MYBPC1: variants seen among roughly 807,000 people sequenced by gnomAD.
MYBPC1 encodes myosin-binding protein C, slow-type.
In MYBPC1, 52 loss-of-function variants were observed where a neutral mutation model predicts 147.1. The ratio of observed to expected loss-of-function variants is 0.35; its 90% confidence interval spans 0.28 to 0.45. MYBPC1 has a LOEUF of 0.45. MYBPC1 is among the 20% of genes least tolerant of loss of function. MYBPC1 has a pLI of 1.00. For missense variants in MYBPC1, 1,228 were observed against 1,440.3 expected (o/e 0.85, Z 2.39); for synonymous variants, 477 against 475.9 (o/e 1.00, Z -0.03).
intron 22 of MYBPC1, chr12:101,666,228 AG>A (rs1897384154): frequency 1.8e-5 from 3 of 166,540 alleles, no homozygotes; most frequent in South Asian, 2.9e-4. Context: ...CTGGTAAAAC[AG>A]GGCTGGCCTT....
At chr12:101,675,244 C>T (rs370807544) in intron 25 of MYBPC1, 48 bp from the exon 26 acceptor site, 209 of 1,610,696 alleles carry the variant, frequency 1.3e-4, no homozygotes, top group Non-Finnish European at 1.7e-4. Context: ...AAAATGTAGA[C>T]TGGGAAAGAA....
intron 13 of MYBPC1, among the ~76,000 whole-genome samples, chr12:101,647,762 C>T (rs184167725): frequency 9.7e-4 from 147 of 152,260 alleles, no homozygotes; most frequent in Non-Finnish European, 6.0e-4. Flanking sequence ...TGGCATGCAC[C>T]TGTAATCCCA....
At chr12:101,644,217 A>G (rs1205562197) in intron 11 of MYBPC1, among the ~76,000 whole-genome samples, 1 of 151,968 alleles carries the variant, frequency 6.6e-6, no homozygotes, top group Non-Finnish European at 1.5e-5. Context: ...TTGTATTTTT[A>G]GAAGAGACAG....
At position 101,661,139 on chromosome 12, in the gene MYBPC1, T is replaced by G. The variant is rs189706863; in HGVS notation, c.1928-19T>G. 8,904 of 1,569,988 alleles carry G rather than the reference T, an allele frequency of 5.7e-3. 51 individuals are homozygous for G. The highest frequency in any genetic ancestry group is 0.013 in the South Asian group (1,188 of 89,770). ...CCCTCTTCCTTATTTTACTTTATCC[T>G]ATTTTTTGTCTGCCACAGACTTCCC... On this transcript the variant is annotated intron_variant, in intron 19 of 31. Coordinates refer to ENST00000361466, the MANE Select transcript of MYBPC1 (RefSeq NM_002465.4).
Position 101,665,087 on chromosome 12 carries a change from A to G in MYBPC1, c.2356+1527A>G, listed in dbSNP as rs973820099. Among the ~76,000 whole-genome samples the G allele has an allele frequency of 3.3e-5, 5 of 152,330 alleles. No homozygotes were observed. The South Asian group carries it at 1.0e-3, about 32-fold the overall frequency. Reference sequence around the variant, plus strand: ...AAAAGTAAGAAGATACAGCAAAATGATAGATGGCTGTCATTTTGATGTTAC... The same window carrying G: ...AAAAGTAAGAAGATACAGCAAAATGGTAGATGGCTGTCATTTTGATGTTAC... On this transcript the variant is annotated intron_variant, in intron 22 of 31. Coordinates refer to ENST00000361466, the MANE Select transcript of MYBPC1 (RefSeq NM_002465.4).
intron 1 of MYBPC1, among the ~76,000 whole-genome samples, chr12:101,596,739 A>G (rs977389582): frequency 6.6e-6 from 1 of 152,380 alleles, no homozygotes; most frequent in East Asian, 1.9e-4. Flanking sequence ...AGCTGCAAAG[A>G]GGAAAATATA....
At chr12:101,636,792 A>G in intron 10 of MYBPC1, 64 bp downstream of exon 10, 1 of 1,371,120 alleles carries the variant, frequency 7.3e-7, no homozygotes, top group Non-Finnish European at 1.0e-6. Context: ...CCACTCAGAG[A>G]AGTCAAGTTT....
the MYBPC1 span, among the ~76,000 whole-genome samples, chr12:101,694,475 T>C: frequency 1.3e-5 from 2 of 152,178 alleles, no homozygotes; most frequent in African/African-American, 4.8e-5. Context: ...ATGGAGCCTT[T>C]AGGATATTGG....
At chr12:101,679,480 C>T (rs1014632108) in intron 28 of MYBPC1, among the ~76,000 whole-genome samples, 9 of 151,974 alleles carry the variant, frequency 5.9e-5, no homozygotes, top group African/African-American at 1.7e-4. Flanking sequence ...CTGAGCAAGA[C>T]AAAATAATAG....
intron 30 of MYBPC1, among the ~76,000 whole-genome samples, chr12:101,684,072 C>G (rs1018326590): frequency 3.3e-5 from 5 of 152,020 alleles, no homozygotes; most frequent in African/African-American, 1.2e-4. Flanking sequence ...TTGTTTTAAG[C>G]TAATGGTTTG....
intron 3 of MYBPC1, among the ~76,000 whole-genome samples, chr12:101,619,219 G>T (rs1006024948): frequency 6.6e-6 from 1 of 151,782 alleles, no homozygotes; most frequent in Non-Finnish European, 1.5e-5. Flanking sequence ...TCCTCCAACT[G>T]TCAGTCTATT....
In MYBPC1 at chr12:101,613,776, G is replaced by T. The variant is rs542364766; in HGVS notation, c.26-720G>T. Among the ~76,000 whole-genome samples the T allele has an allele frequency of 9.8e-5, 15 of 152,288 alleles. No individual in the cohort carries two copies. The South Asian group carries it at 3.1e-3, about 32-fold the overall frequency. ...CCAGAGCCTGGAAAATTTTGGATAG[G>T]TGTAGGTGGGAATCTACTCCAAGCA... On this transcript the variant is annotated intron_variant, in intron 1 of 31. Coordinates refer to ENST00000361466, the MANE Select transcript of MYBPC1 (RefSeq NM_002465.4).
chr12:101,681,596 T>A (rs867526860), intron 29 of MYBPC1, among the ~76,000 whole-genome samples: 604 of 33,722 alleles, frequency 0.018, no homozygotes, highest in East Asian at 0.024. Context: ...ATATATATTT[T>A]TTTTTTTTTT....
Position 101,685,770 on chromosome 12 carries a change from C to T in MYBPC1, c.*208C>T. On this transcript the variant is annotated 3_prime_UTR_variant, in exon 32 of 32. Coordinates refer to ENST00000361466, the MANE Select transcript of MYBPC1 (RefSeq NM_002465.4). ...AAGCATTTTCTGTTTTCCCACCAGG[C>T]CCCCAAGTGTGGTCTTTTTCTTTCC... 1 of 943,166 alleles carries T rather than the reference C, an allele frequency of 1.1e-6. No homozygotes were observed. Among genetic ancestry groups the T allele is most frequent in the Non-Finnish European group, 1.5e-6 (1 of 652,740 alleles). 58.4% of individuals were successfully genotyped at this position (943,166 alleles called of 1,614,324 possible). A position where few individuals can be genotyped will look rare whatever the true frequency, so the allele number is the denominator to read the frequency against.
At chr12:101,695,371 G>A in the MYBPC1 span, among the ~76,000 whole-genome samples, 1 of 152,242 alleles carries the variant, frequency 6.6e-6, no homozygotes, top group Non-Finnish European at 1.5e-5. Flanking sequence ...GTGGAGAAGA[G>A]TGGGACTGGG....
At chr12:101,618,440 A>C (rs1011501753) in intron 3 of MYBPC1, among the ~76,000 whole-genome samples, 4 of 152,188 alleles carry the variant, frequency 2.6e-5, no homozygotes, top group African/African-American at 9.6e-5. Context: ...GGATGGTTTC[A>C]AGGAGGTTTG....
In MYBPC1 at chr12:101,648,145, A is replaced by G. The variant is rs775556728; in HGVS notation, c.1191A>G (p.Val397=). The G allele has an allele frequency of 6.2e-6, 10 of 1,606,212 alleles. No individual in the cohort carries two copies. The highest frequency in any genetic ancestry group is 8.5e-6 in the Non-Finnish European group (10 of 1,173,368). The change falls in exon 14 of 32, where the codon GTA becomes GTG. Residue 397 remains valine (V), a synonymous_variant. Transcript: ENST00000361466. ...ECEVSEDDAN[V]KWFKNGEEII... ...AGGTGTCTGAAGATGATGCCAATGT[A>G]AAATGGTAAATAGCCTTAATGAAGT...
At chr12:101,647,042 G>A in intron 13 of MYBPC1, 155 bp downstream of exon 13, 3 of 946,084 alleles carry the variant, frequency 3.2e-6, no homozygotes, top group Admixed American at 2.1e-5. Flanking sequence ...GAACAGCAGA[G>A]GGGAGAAAGA....
intron 3 of MYBPC1, among the ~76,000 whole-genome samples, chr12:101,622,889 T>C (rs1320957647): frequency 6.6e-6 from 1 of 152,188 alleles, no homozygotes; most frequent in Non-Finnish European, 1.5e-5. Context: ...GACACTACTG[T>C]TGGGTGATCT....
Sources: gnomAD v4.1 joint callset for allele counts (sites outside exome capture counted in the v4.1 genomes callset) on GRCh38, gnomAD v4.1.1 for gene constraint, MANE v1.5 for transcripts, NCBI Gene and HGNC (gene_info 2026-07-23, HGNC 2026-07-21) for gene names.